ANKS1B: variants seen among roughly 807,000 people sequenced by gnomAD.
The protein encoded by ANKS1B is ankyrin repeat and sterile alpha motif domain containing 1B.
A neutral mutation model predicts 148.3 loss-of-function variants in ANKS1B; 36 were observed. The observed-to-expected ratio is 0.24, with a 90% CI of 0.19 to 0.32. The LOEUF is 0.32. ANKS1B is among the 10% of genes least tolerant of loss of function. ANKS1B has a pLI of 1.00. For synonymous variants in ANKS1B, 542 were observed against 560.8 expected (o/e 0.97, Z 0.47); for missense variants, 1,157 against 1,542.6 (o/e 0.75, Z 4.19).
chr12:99,290,988 C>G (rs1048376645), intron 12 of ANKS1B, among the ~76,000 whole-genome samples: 2 of 152,046 alleles, frequency 1.3e-5, no homozygotes, highest in Non-Finnish European at 2.9e-5. Flanking sequence ...TCAATTTATC[C>G]TTGTTTACAG....
chr12:98,975,188 TCTTC>T (rs1165007644), intron 17 of ANKS1B, among the ~76,000 whole-genome samples: 1 of 133,892 alleles, frequency 7.5e-6, no homozygotes, highest in Non-Finnish European at 1.6e-5. Context: ...CTCCCTTTCC[TCTTC>T]CTTCCTCTTT....
chr12:99,044,996 C>T (rs1335377173), intron 17 of ANKS1B, among the ~76,000 whole-genome samples: 1 of 152,152 alleles, frequency 6.6e-6, no homozygotes, highest in Non-Finnish European at 1.5e-5. Context: ...GAAACCCTGA[C>T]ACACACACTG....
At chr12:99,698,126 AAAAAC>A (rs2054216482) in intron 8 of ANKS1B, among the ~76,000 whole-genome samples, 1 of 152,116 alleles carries the variant, frequency 6.6e-6, no homozygotes, top group African/African-American at 2.4e-5. Flanking sequence ...TTTATATAAT[AAAAAC>A]AAAACTAAAT....
chr12:99,090,224 C>T (rs187045134), intron 15 of ANKS1B, among the ~76,000 whole-genome samples: 1 of 152,286 alleles, frequency 6.6e-6, no homozygotes, highest in Non-Finnish European at 1.5e-5. Context: ...AATATCTGTA[C>T]TGATGGCTCT....
intron 4 of ANKS1B, among the ~76,000 whole-genome samples, chr12:99,786,816 A>C (rs980309422): frequency 6.6e-6 from 1 of 152,236 alleles, no homozygotes; most frequent in Admixed American, 6.5e-5. Context: ...AAGAAATACA[A>C]ATTCAAAATT....
chr12:99,598,403 C>G (rs1021229975), intron 9 of ANKS1B, among the ~76,000 whole-genome samples: 2 of 152,054 alleles, frequency 1.3e-5, no homozygotes, highest in Non-Finnish European at 2.9e-5. Context: ...CTTAGATTAT[C>G]TCTTTCAATC....
chr12:99,463,018 T>G (rs1387968812), intron 10 of ANKS1B, among the ~76,000 whole-genome samples: 2 of 152,224 alleles, frequency 1.3e-5, no homozygotes, highest in Non-Finnish European at 2.9e-5. Flanking sequence ...ACCTCCTTTC[T>G]TTATAAATTA....
At chr12:98,977,683 G>A (rs2099899525) in intron 17 of ANKS1B, among the ~76,000 whole-genome samples, 1 of 152,182 alleles carries the variant, frequency 6.6e-6, no homozygotes, top group Non-Finnish European at 1.5e-5. Context: ...TGAGAAAAAT[G>A]AGATATCATT....
chr12:98,811,851 C>A (rs1177137592), intron 19 of ANKS1B, among the ~76,000 whole-genome samples: 1 of 152,042 alleles, frequency 6.6e-6, no homozygotes, highest in Middle Eastern at 3.2e-3. Flanking sequence ...ACTTAGCATC[C>A]TGGGAATAGA....
intron 14 of ANKS1B, among the ~76,000 whole-genome samples, chr12:99,204,301 A>G (rs566880399): frequency 6.6e-6 from 1 of 152,264 alleles, no homozygotes; most frequent in Non-Finnish European, 1.5e-5. Flanking sequence ...GAAGGAATGT[A>G]TTCATGCTCT....
At chr12:99,688,863 T>A (rs1040436129) in intron 8 of ANKS1B, among the ~76,000 whole-genome samples, 3 of 148,094 alleles carry the variant, frequency 2.0e-5, no homozygotes, top group Admixed American at 6.8e-5. Flanking sequence ...AATAATTACA[T>A]GAGCAAGTGC....
At chr12:99,228,314 G>A (rs1161085495) in intron 14 of ANKS1B, among the ~76,000 whole-genome samples, 1 of 152,056 alleles carries the variant, frequency 6.6e-6, no homozygotes, top group Non-Finnish European at 1.5e-5. Flanking sequence ...AGTAAAGTAA[G>A]GTACAGCTAT....
rs757636031 is a variant in ANKS1B at position 99,531,373 on chromosome 12, C to G, written c.1273-26732G>C. On this transcript the variant is annotated intron_variant, in intron 9 of 26. Coordinates refer to ENST00000683438, the MANE Select transcript of ANKS1B (RefSeq NM_001352186.2). ...TATAGGAACCTCCCAACTCTCCCCC[C>G]TTCTGAGTCTCCAGTGTCAACTACA... 9.9e-5 allele frequency among the ~76,000 whole-genome samples: 15 copies of G among 152,280 alleles called. No homozygotes were observed. In the East Asian group the frequency reaches 1.4e-3, roughly 14 times the overall value.
At chr12:99,182,948 A>G (rs1601478649) in intron 14 of ANKS1B, among the ~76,000 whole-genome samples, 1 of 152,134 alleles carries the variant, frequency 6.6e-6, no homozygotes, top group Non-Finnish European at 1.5e-5. Context: ...TCTTTGCCAT[A>G]TATATGTCTT....
chr12:99,897,929 G>T (rs772263824), intron 1 of ANKS1B, among the ~76,000 whole-genome samples: 1 of 144,340 alleles, frequency 6.9e-6, no homozygotes, highest in Non-Finnish European at 1.6e-5. Flanking sequence ...AGAAGAGAAT[G>T]ATGGGAAATA....
At chr12:99,893,275 G>A (rs1448058882) in intron 1 of ANKS1B, among the ~76,000 whole-genome samples, 3 of 152,042 alleles carry the variant, frequency 2.0e-5, no homozygotes, top group African/African-American at 7.2e-5. Context: ...GCCGGGTGTG[G>A]TGGCGGGAGC....
intron 15 of ANKS1B, among the ~76,000 whole-genome samples, chr12:99,089,118 C>T (rs576842287): frequency 2.0e-5 from 3 of 152,106 alleles, no homozygotes; most frequent in East Asian, 1.9e-4. Flanking sequence ...AGCAACCGCT[C>T]ATTTTTCTCA....
At chr12:99,191,247 G>A (rs2080651046) in intron 14 of ANKS1B, among the ~76,000 whole-genome samples, 1 of 152,160 alleles carries the variant, frequency 6.6e-6, no homozygotes, top group Non-Finnish European at 1.5e-5. Context: ...TACTGTTGGT[G>A]GGAGTGAAAT....
intron 12 of ANKS1B, among the ~76,000 whole-genome samples, chr12:99,364,961 C>T (rs1022295434): frequency 3.3e-5 from 5 of 152,146 alleles, no homozygotes; most frequent in African/African-American, 1.2e-4. Context: ...TTGGTCCCCC[C>T]ACCCCAAAGA....
Sources: allele counts gnomAD v4.1 joint callset (sites outside exome capture counted in the v4.1 genomes callset), GRCh38; gene constraint gnomAD v4.1.1; transcripts MANE v1.5; gene names NCBI Gene and HGNC (gene_info 2026-07-23, HGNC 2026-07-21).